Variants in DACH2 observed in about 807,000 individuals in gnomAD.
DACH2 encodes dachshund family transcription factor 2.
In DACH2, 17 loss-of-function variants were observed where a neutral mutation model predicts 35.8. The observed-to-expected ratio is 0.48, with a 90% CI of 0.33 to 0.71. The LOEUF (loss-of-function observed/expected upper bound fraction) is 0.71. Ranked by LOEUF, DACH2 falls within the 30% of genes least tolerant of loss-of-function variation. DACH2 has a pLI of 0.02. For missense variants in DACH2, 469 were observed against 472.7 expected, an observed-to-expected ratio of 0.99 and a Z score of 0.07; for synonymous variants, 195 against 177.3, an observed-to-expected ratio of 1.10 and a Z score of -0.79.
At position 86,258,376 on chromosome X, in the gene DACH2, CT is replaced by C. The variant is rs1268449234; in HGVS notation, c.488+109272del. Reference sequence around the variant, plus strand: ...AGTTTTCATTAGTTAAATTTAAAATCTTTTCTTTTCTTTTTTACCCTTTGTA... The same window carrying C: ...AGTTTTCATTAGTTAAATTTAAAATCTTTCTTTTCTTTTTTACCCTTTGTA... On this transcript the variant is annotated intron_variant, in intron 1 of 11. Coordinates refer to ENST00000373125, the MANE Select transcript of DACH2 (RefSeq NM_053281.3). Among the ~76,000 whole-genome samples the C allele has an allele frequency of 2.5e-4, 21 of 85,115 alleles. No homozygotes were observed. The African/African-American group carries it at 3.1e-3, about 13-fold the overall frequency. The allele number at this position is 85,115 out of a possible 115,157, so 73.9% of individuals were successfully genotyped here. A position where few individuals can be genotyped will look rare whatever the true frequency, so the allele number is the denominator to read the frequency against.
chrX:86,765,704 T>G (rs1182450647), intron 7 of DACH2, among the ~76,000 whole-genome samples: 5 of 95,324 alleles, frequency 5.2e-5, no homozygotes, highest in African/African-American at 1.1e-4. Context: ...TTTGGTTTTT[T>G]TTTTTTTTTT....
chrX:86,482,541 G>T (rs1233143881), intron 2 of DACH2, among the ~76,000 whole-genome samples: 1 of 107,924 alleles, frequency 9.3e-6, no homozygotes, highest in African/African-American at 3.5e-5. Flanking sequence ...TAGTCCTTTG[G>T]GTATATACCC....
chrX:86,555,024 A>AT (rs376136327), intron 3 of DACH2, among the ~76,000 whole-genome samples: 2,129 of 110,823 alleles, frequency 0.019, 60 homozygotes, highest in African/African-American at 0.067. Flanking sequence ...GATGAGCTCA[A>AT]TTTTTTTTCT....
chrX:86,388,218 C>A (rs981926871), intron 2 of DACH2, among the ~76,000 whole-genome samples: 1 of 111,697 alleles, frequency 9.0e-6, no homozygotes. Context: ...CAGTTGGAAG[C>A]GCTTTGTCAC....
At chrX:86,241,137 G>A (rs2033158192) in intron 1 of DACH2, among the ~76,000 whole-genome samples, 1 of 112,113 alleles carries the variant, frequency 8.9e-6, no homozygotes, top group Non-Finnish European at 1.9e-5. Context: ...ATGGGCAGAG[G>A]TTGGAACAAT....
chrX:86,486,592 T>A (rs1272504305), intron 2 of DACH2, among the ~76,000 whole-genome samples: 1 of 111,744 alleles, frequency 8.9e-6, no homozygotes, highest in Non-Finnish European at 1.9e-5. Context: ...TCTCTTACGG[T>A]TGAGACTGTT....
chrX:86,760,484 C>A (rs981858086), intron 7 of DACH2, among the ~76,000 whole-genome samples: 2 of 111,610 alleles, frequency 1.8e-5, no homozygotes, highest in Non-Finnish European at 3.8e-5. Context: ...GTAGTCAGTT[C>A]ATTATTGAAA....
At chrX:86,452,081 C>A (rs1451604111) in intron 2 of DACH2, among the ~76,000 whole-genome samples, 2 of 111,680 alleles carry the variant, frequency 1.8e-5, no homozygotes, top group Non-Finnish European at 3.8e-5. Flanking sequence ...TCTATTGAGA[C>A]AACTATGTGG....
chrX:86,789,090 C>T (rs892320654), intron 7 of DACH2, among the ~76,000 whole-genome samples: 7 of 111,825 alleles, frequency 6.3e-5, no homozygotes, highest in Non-Finnish European at 1.3e-4. Context: ...TACTCTAGAC[C>T]ATTTTACTAT....
chrX:86,728,620 T>G (rs2041497527), intron 6 of DACH2, among the ~76,000 whole-genome samples: 1 of 112,682 alleles, frequency 8.9e-6, no homozygotes, highest in South Asian at 3.7e-4. Flanking sequence ...GAATTATTTC[T>G]TGGGCCAGGC....
intron 3 of DACH2, among the ~76,000 whole-genome samples, chrX:86,581,589 ATT>A (rs2039501571): frequency 9.0e-6 from 1 of 111,269 alleles, no homozygotes; most frequent in African/African-American, 3.3e-5. Context: ...TGCTATTGTA[ATT>A]TTACAAAAAG....
intron 7 of DACH2, among the ~76,000 whole-genome samples, chrX:86,762,450 A>G (rs2041893097): frequency 9.0e-6 from 1 of 111,493 alleles, no homozygotes; most frequent in African/African-American, 3.3e-5. Context: ...CCACCCCACC[A>G]TATTCTCTCT....
Position 86,423,056 on chromosome X carries a change from T to C in DACH2, c.527+46194T>C, listed in dbSNP as rs542915793. Among the ~76,000 whole-genome samples, 20 of 112,089 alleles carry C rather than the reference T, an allele frequency of 1.8e-4. No homozygotes were observed. In the South Asian group the frequency reaches 6.9e-3, roughly 39 times the overall value. On this transcript the variant is annotated intron_variant, in intron 2 of 11. Coordinates refer to ENST00000373125, the MANE Select transcript of DACH2 (RefSeq NM_053281.3). Reference sequence around the variant, plus strand: ...TTGTGCATATGTACCACATTTTCTATATCCATTCATCTATTTTTGGATGCT... The same window carrying C: ...TTGTGCATATGTACCACATTTTCTACATCCATTCATCTATTTTTGGATGCT...
At chrX:86,666,051 C>T (rs1222767393) in intron 4 of DACH2, among the ~76,000 whole-genome samples, 1 of 110,811 alleles carries the variant, frequency 9.0e-6, no homozygotes, top group Non-Finnish European at 1.9e-5. Flanking sequence ...TTTCTACTGG[C>T]AAAATAACAA....
intron 7 of DACH2, among the ~76,000 whole-genome samples, chrX:86,762,978 G>A (rs767327851): frequency 1.8e-5 from 2 of 110,879 alleles, no homozygotes; most frequent in African/African-American, 3.3e-5. Flanking sequence ...CCAGCTTCTG[G>A]TAACCATTAT....
intron 2 of DACH2, among the ~76,000 whole-genome samples, chrX:86,414,568 C>A (rs1314830398): frequency 9.0e-6 from 1 of 111,348 alleles, no homozygotes; most frequent in African/African-American, 3.3e-5. Context: ...CCTCACAAAT[C>A]TATTTCACAA....
chrX:86,316,600 A>G, intron 1 of DACH2, among the ~76,000 whole-genome samples: 1 of 111,618 alleles, frequency 9.0e-6, no homozygotes, highest in South Asian at 3.8e-4. Context: ...TCAGGAATGG[A>G]ATACCTAATG....
intron 3 of DACH2, among the ~76,000 whole-genome samples, chrX:86,543,482 A>G (rs2038913839): frequency 9.0e-6 from 1 of 111,158 alleles, no homozygotes; most frequent in Non-Finnish European, 1.9e-5. Flanking sequence ...CCATGCTGAC[A>G]TGGCTAAAAT....
intron 1 of DACH2, among the ~76,000 whole-genome samples, chrX:86,213,296 C>G (rs1335790567): frequency 9.0e-6 from 1 of 111,430 alleles, no homozygotes; most frequent in Admixed American, 9.6e-5. Context: ...TTTATCCAAA[C>G]AAGTTATTTA....
Sources: allele counts gnomAD v4.1 joint callset (sites outside exome capture counted in the v4.1 genomes callset), GRCh38; gene constraint gnomAD v4.1.1; transcripts MANE v1.5; gene names NCBI Gene and HGNC (gene_info 2026-07-23, HGNC 2026-07-21).